Variants in C12orf42 observed in about 807,000 individuals in gnomAD.
C12orf42 encodes uncharacterized protein C12orf42.
In C12orf42, 25 loss-of-function variants were observed where a neutral mutation model predicts 21.6. The ratio of observed to expected loss-of-function variants is 1.16; its 90% CI spans 0.84 to 1.62. C12orf42 has a LOEUF of 1.62. Among genes scored for constraint, C12orf42 ranks in the 40% most tolerant of loss-of-function variants. The probability of loss-of-function intolerance (pLI) is 0.00; values close to 1 mark genes in which losing one functional copy is unlikely to be tolerated. For missense variants in C12orf42, 483 were observed against 459.3 expected (o/e 1.05, Z -0.47); for synonymous variants, 174 against 175.0 (o/e 0.99, Z 0.05).
chr12:103,423,952 T>C (rs1397343057), intron 2 of C12orf42, among the ~76,000 whole-genome samples: 1 of 152,254 alleles, frequency 6.6e-6, no homozygotes, highest in East Asian at 1.9e-4. Context: ...TTCAACTCTA[T>C]TACCTGAAGA....
At chr12:103,267,386 G>T (rs1349107074), downstream of C12orf42, among the ~76,000 whole-genome samples, 2 of 151,852 alleles carry the variant, frequency 1.3e-5, no homozygotes, top group East Asian at 3.9e-4. Flanking sequence ...AGTAATCTAG[G>T]TAAGCATCAA....
At chr12:103,123,844 A>G in the C12orf42 span, among the ~76,000 whole-genome samples, 135 of 152,070 alleles carry the variant, frequency 8.9e-4, no homozygotes, top group African/African-American at 3.1e-3. Flanking sequence ...TCAGAGATTT[A>G]AAATAATACA....
the C12orf42 span, among the ~76,000 whole-genome samples, chr12:103,116,448 C>T: frequency 6.7e-6 from 1 of 150,308 alleles, no homozygotes; most frequent in African/African-American, 2.4e-5. Flanking sequence ...AGGGAACCTG[C>T]CTTGGTCTGT....
At chr12:103,216,537 C>T in the C12orf42 span, among the ~76,000 whole-genome samples, 12 of 151,950 alleles carry the variant, frequency 7.9e-5, 1 homozygote, top group Admixed American at 3.3e-4. Context: ...CCACGCCTGG[C>T]TAATTTTTTT....
the C12orf42 span, among the ~76,000 whole-genome samples, chr12:103,201,249 C>T: frequency 7.2e-5 from 11 of 152,064 alleles, no homozygotes; most frequent in African/African-American, 1.9e-4. Context: ...TCAGATGTAA[C>T]GGTTTTGCTG....
chr12:103,208,685 C>G, the C12orf42 span, among the ~76,000 whole-genome samples: 240 of 152,158 alleles, frequency 1.6e-3, 1 homozygote, highest in Non-Finnish European at 2.9e-3. Context: ...ATTCTTCACC[C>G]ATATTTTTGT....
At chr12:103,412,230 T>C (rs2048905643) in intron 2 of C12orf42, among the ~76,000 whole-genome samples, 2 of 152,224 alleles carry the variant, frequency 1.3e-5, no homozygotes, top group Non-Finnish European at 2.9e-5. Context: ...ATGAGAAATA[T>C]ATTGAACACC....
downstream of C12orf42, among the ~76,000 whole-genome samples, chr12:103,298,124 G>T (rs1042480340): frequency 1.3e-5 from 2 of 151,884 alleles, no homozygotes; most frequent in East Asian, 3.9e-4. Context: ...GCAGGAGAAA[G>T]AAATAAAGGG....
At chr12:103,508,165 A>G in the C12orf42 span, among the ~76,000 whole-genome samples, 4 of 152,222 alleles carry the variant, frequency 2.6e-5, no homozygotes, top group Non-Finnish European at 5.9e-5. Flanking sequence ...CAACTTTATA[A>G]TGAGTTTACT....
intron 2 of C12orf42, among the ~76,000 whole-genome samples, chr12:103,462,990 C>T (rs1222374295): frequency 2.0e-5 from 3 of 152,182 alleles, no homozygotes; most frequent in African/African-American, 7.2e-5. Flanking sequence ...TTCAGCAAAA[C>T]GCTTAAGTTA....
the C12orf42 span, among the ~76,000 whole-genome samples, chr12:103,149,122 T>C: frequency 0.3 from 45,062 of 151,986 alleles, 7,080 homozygotes; most frequent in East Asian, 0.4. Flanking sequence ...TGGGGTCCAA[T>C]GGAAGCAAAA....
chr12:103,181,064 C>G, the C12orf42 span, among the ~76,000 whole-genome samples: 5 of 151,800 alleles, frequency 3.3e-5, no homozygotes, highest in Non-Finnish European at 7.4e-5. Context: ...GAGATTGAGA[C>G]CATCCTGGCC....
At chr12:103,276,105 T>C (rs1471641041) in intron 5 of C12orf42, among the ~76,000 whole-genome samples, 2 of 152,110 alleles carry the variant, frequency 1.3e-5, no homozygotes, top group Non-Finnish European at 2.9e-5. Context: ...TTCATGTTAA[T>C]GTACTAAAAA....
intron 4 of C12orf42, among the ~76,000 whole-genome samples, chr12:103,286,010 G>C (rs2036431940): frequency 6.6e-6 from 1 of 152,038 alleles, no homozygotes; most frequent in African/African-American, 2.4e-5. Context: ...CTTTGGGGGG[G>C]TGCCAAGGCA....
intron 2 of C12orf42, among the ~76,000 whole-genome samples, chr12:103,426,559 C>T (rs2044559679): frequency 6.6e-6 from 1 of 152,144 alleles, no homozygotes; most frequent in Non-Finnish European, 1.5e-5. Context: ...TCCAGAAGAA[C>T]TTCCCCAACC....
At chr12:103,443,269 T>G (rs527694749) in intron 2 of C12orf42, among the ~76,000 whole-genome samples, 142 of 152,252 alleles carry the variant, frequency 9.3e-4, no homozygotes, top group African/African-American at 3.0e-3. Flanking sequence ...AAGAGGAAAC[T>G]GATACAGAAT....
At chr12:103,424,949 A>G (rs10861003) in intron 2 of C12orf42, among the ~76,000 whole-genome samples, 29,122 of 152,046 alleles carry the variant, frequency 0.19, 3,353 homozygotes, top group East Asian at 0.35. Flanking sequence ...TGAAATTCTC[A>G]CTGCCAGCAC....
downstream of C12orf42, among the ~76,000 whole-genome samples, chr12:103,296,999 C>A (rs2037337444): frequency 6.6e-6 from 1 of 152,206 alleles, no homozygotes; most frequent in African/African-American, 2.4e-5. Flanking sequence ...TTAGGTCTAA[C>A]ATTTAAGACT....
chr12:103,547,205 C>T, the C12orf42 span, among the ~76,000 whole-genome samples: 5 of 152,214 alleles, frequency 3.3e-5, no homozygotes, highest in Non-Finnish European at 7.4e-5. Flanking sequence ...GAGGTAGTCA[C>T]TGGCTACATA....
Sources: gnomAD v4.1 joint callset for allele counts (sites outside exome capture counted in the v4.1 genomes callset) on GRCh38, gnomAD v4.1.1 for gene constraint, MANE v1.5 for transcripts, NCBI Gene and HGNC (gene_info 2026-07-23, HGNC 2026-07-21) for gene names.